MMP16: variants seen among roughly 807,000 people sequenced by gnomAD.
MMP16 encodes the protein matrix metallopeptidase 16.
Under a neutral mutation model 67.8 loss-of-function variants are expected in MMP16, and 12 were observed. That is an observed-to-expected ratio of 0.18 (90% CI 0.11 to 0.29). The LOEUF is 0.29. MMP16 is among the 10% of genes least tolerant of loss of function. The probability of loss-of-function intolerance (pLI) is 1.00; values close to 1 mark genes in which losing one functional copy is unlikely to be tolerated. For synonymous variants in MMP16, 249 were observed against 255.9 expected (o/e 0.97, Z 0.26); for missense variants, 475 against 765.7 (o/e 0.62, Z 4.48).
chr8:88,094,554 T>C (rs1454911660), intron 6 of MMP16, among the ~76,000 whole-genome samples: 1 of 151,536 alleles, frequency 6.6e-6, no homozygotes, highest in Non-Finnish European at 1.5e-5. Context: ...TCTTTAGTTT[T>C]TGTTGCAAAG....
chr8:88,051,730 T>A (rs1010011431), intron 8 of MMP16, among the ~76,000 whole-genome samples: 1 of 152,186 alleles, frequency 6.6e-6, no homozygotes, highest in Non-Finnish European at 1.5e-5. Flanking sequence ...GAAAATAAAG[T>A]AGGTCTACAT....
chr8:88,052,575 C>T (rs1362609397), intron 8 of MMP16, among the ~76,000 whole-genome samples: 1 of 152,134 alleles, frequency 6.6e-6, no homozygotes, highest in African/African-American at 2.4e-5. Flanking sequence ...CTGTTGAAAA[C>T]CCTCCAATGC....
At chr8:88,145,409 T>C (rs1346709206) in intron 4 of MMP16, among the ~76,000 whole-genome samples, 1 of 151,912 alleles carries the variant, frequency 6.6e-6, no homozygotes, top group African/African-American at 2.4e-5. Context: ...GCCATCATTG[T>C]CCAAAATACA....
intron 1 of MMP16, among the ~76,000 whole-genome samples, chr8:88,227,879 A>C (rs541892094): frequency 5.3e-5 from 8 of 152,082 alleles, no homozygotes; most frequent in Non-Finnish European, 1.2e-4. Context: ...GGAACTTAAA[A>C]AACAATAGTC....
At chr8:88,044,675 C>A (rs993652770) in intron 9 of MMP16, among the ~76,000 whole-genome samples, 1 of 152,070 alleles carries the variant, frequency 6.6e-6, no homozygotes, top group African/African-American at 2.4e-5. Context: ...CATCATTGGA[C>A]TTGTCTATTG....
chr8:88,098,760 A>C (rs62525896), intron 6 of MMP16, among the ~76,000 whole-genome samples: 31,955 of 151,796 alleles, frequency 0.21, 3,553 homozygotes, highest in Middle Eastern at 0.26. Flanking sequence ...CAAAGAAAAT[A>C]CAAGTATAAT....
At chr8:88,114,199 GC>G in intron 6 of MMP16, among the ~76,000 whole-genome samples, 1 of 151,816 alleles carries the variant, frequency 6.6e-6, no homozygotes, top group Non-Finnish European at 1.5e-5. Context: ...ATTCAATCAT[GC>G]TTTCTTTACA....
chr8:88,271,781 T>C lies in MMP16; in HGVS notation c.132+55294A>G, dbSNP rs138489341. ...ATAATTGAGTCCCAGTTAGAAAACA[T>C]TGGCTTAAATGTGAAGTGCCAAAAT... On this transcript the variant is annotated intron_variant, in intron 1 of 9. Coordinates refer to ENST00000286614, the MANE Select transcript of MMP16 (RefSeq NM_005941.5). 1.4e-3 allele frequency among the ~76,000 whole-genome samples: 209 copies of C among 152,304 alleles called. 2 individuals carry two copies. The highest frequency in any genetic ancestry group is 4.2e-3 in the African/African-American group (175 of 41,568).
intron 4 of MMP16, among the ~76,000 whole-genome samples, chr8:88,124,253 T>C (rs1165872786): frequency 6.6e-6 from 1 of 152,008 alleles, no homozygotes; most frequent in Non-Finnish European, 1.5e-5. Flanking sequence ...TATAATCTGT[T>C]ATGCAAGTGA....
chr8:88,100,642 A>G (rs559746335), intron 6 of MMP16, among the ~76,000 whole-genome samples: 11 of 152,128 alleles, frequency 7.2e-5, no homozygotes, highest in African/African-American at 2.4e-4. Context: ...TACCCAAAGG[A>G]TTATAAATCA....
intron 1 of MMP16, among the ~76,000 whole-genome samples, chr8:88,220,812 A>T: frequency 6.6e-6 from 1 of 152,188 alleles, no homozygotes; most frequent in African/African-American, 2.4e-5. Context: ...TACGATATCA[A>T]TTTTTTATAT....
rs142620610 is a variant in MMP16 at position 88,159,179 on chromosome 8, C to G, written c.709+8490G>C. On this transcript the variant is annotated intron_variant, in intron 4 of 9. Coordinates refer to ENST00000286614, the MANE Select transcript of MMP16 (RefSeq NM_005941.5). Reference sequence around the variant, plus strand: ...CTTTTGGGTCCATATGAACTTTAAACTAGTTTTTTCCAATTCTGTGAAGAA... The same window carrying G: ...CTTTTGGGTCCATATGAACTTTAAAGTAGTTTTTTCCAATTCTGTGAAGAA... Among the ~76,000 whole-genome samples the G allele has an allele frequency of 4.0e-4, 61 of 151,988 alleles. 1 individual carries two copies. Among genetic ancestry groups the G allele is most frequent in the East Asian group, 3.3e-3 (17 of 5,158 alleles).
chr8:88,316,068 G>A (rs996112222), intron 1 of MMP16, among the ~76,000 whole-genome samples: 4 of 152,168 alleles, frequency 2.6e-5, no homozygotes, highest in Non-Finnish European at 5.9e-5. Flanking sequence ...CAATTCTCTG[G>A]AGGCTGAGAG....
intron 4 of MMP16, among the ~76,000 whole-genome samples, chr8:88,149,013 G>A (rs1029806303): frequency 5.9e-5 from 9 of 152,324 alleles, no homozygotes; most frequent in South Asian, 2.1e-4. Context: ...CGCACCGGGC[G>A]CGAGCCAAAG....
At chr8:88,211,729 G>A (rs547303010) in intron 1 of MMP16, among the ~76,000 whole-genome samples, 3 of 151,996 alleles carry the variant, frequency 2.0e-5, no homozygotes, top group Non-Finnish European at 2.9e-5. Context: ...ATTCATTTCC[G>A]TGGCTCTATA....
chr8:88,216,231 C>G (rs952032007), intron 1 of MMP16, among the ~76,000 whole-genome samples: 2 of 151,978 alleles, frequency 1.3e-5, no homozygotes, highest in Non-Finnish European at 2.9e-5. Context: ...CCATTATAAA[C>G]TAAAACTAAA....
At chr8:88,080,620 G>C (rs1808730829) in intron 6 of MMP16, among the ~76,000 whole-genome samples, 1 of 152,014 alleles carries the variant, frequency 6.6e-6, no homozygotes, top group African/African-American at 2.4e-5. Flanking sequence ...ATTTTTAGTA[G>C]AGATGAGGTT....
chr8:88,247,488 G>C (rs1274986319), intron 1 of MMP16, among the ~76,000 whole-genome samples: 2 of 152,088 alleles, frequency 1.3e-5, no homozygotes, highest in Non-Finnish European at 2.9e-5. Context: ...AGCACTAGTT[G>C]TTCCTGTGCA....
chr8:88,196,321 C>T (rs147641852), intron 2 of MMP16, among the ~76,000 whole-genome samples: 2 of 152,156 alleles, frequency 1.3e-5, no homozygotes, highest in African/African-American at 4.8e-5. Context: ...AAATTAATCA[C>T]TTCTTCCTTT....
Sources: gnomAD v4.1 joint callset for allele counts (sites outside exome capture counted in the v4.1 genomes callset) on GRCh38, gnomAD v4.1.1 for gene constraint, MANE v1.5 for transcripts, NCBI Gene and HGNC (gene_info 2026-07-23, HGNC 2026-07-21) for gene names.